ZNF536: variants seen among roughly 807,000 people sequenced by gnomAD.
ZNF536 encodes zinc finger protein 536.
Under a neutral mutation model 84.5 loss-of-function variants are expected in ZNF536, and 13 were observed. That is an observed-to-expected ratio of 0.15 (90% CI 0.10 to 0.24). The LOEUF is 0.24. Ranked by LOEUF, ZNF536 falls within the 10% of genes least tolerant of loss-of-function variation. The pLI, the probability that ZNF536 is intolerant of heterozygous loss-of-function variation, is 1.00. For synonymous variants in ZNF536, 811 were observed against 742.5 expected (o/e 1.09, Z -1.50); for missense variants, 1,536 against 1,747.5 (o/e 0.88, Z 2.16).
chr19:30,319,333 CA>C (rs1294208488), intron 2 of ZNF536, among the ~76,000 whole-genome samples: 6 of 151,994 alleles, frequency 3.9e-5, no homozygotes, highest in African/African-American at 1.4e-4. Context: ...TTTTTTAAAA[CA>C]AATAATTTAG....
In ZNF536 at chr19:30,658,289, T is replaced by TG. The variant is rs1442438567; in HGVS notation, c.170-52465dup. The stretch of plus-strand genomic sequence containing the variant: ...TGCCCACTTTGGCCTCCCAAAGTGC[T>TG]GGGATTACAGGTGTGAGCAACCGTG... On this transcript the variant is annotated intron_variant, in intron 1 of 1. Transcript: ENST00000592773. 3.9e-5 allele frequency among the ~76,000 whole-genome samples: 6 copies of TG among 152,146 alleles called. No individual in the cohort carries two copies. The East Asian group carries it at 9.6e-4, about 24-fold the overall frequency.
intron 1 of ZNF536, among the ~76,000 whole-genome samples, chr19:30,681,083 C>T (rs890014340): frequency 5.3e-5 from 8 of 152,188 alleles, no homozygotes; most frequent in Admixed American, 3.3e-4. Context: ...TTCTATTCCC[C>T]AACTTTCACT....
chr19:30,443,606 C>G lies in ZNF536; in HGVS notation c.44C>G (p.Pro15Arg), dbSNP rs375667945. 1.9e-6 allele frequency: 3 copies of G among 1,588,962 alleles called. No homozygotes were observed. The highest frequency in any genetic ancestry group is 2.7e-5 in the African/African-American group (2 of 73,884). ...TGCCTTGGAGTGTCTTCGGCGGAGCCGGAAGCTGAGCCCCACCTGAGTGGC... is the reference window on the plus strand; with the variant it reads ...TGCCTTGGAGTGTCTTCGGCGGAGCGGGAAGCTGAGCCCCACCTGAGTGGC... Reference protein sequence around the residue: ...SLCLGVSSAEPEAEPHLSGPV... With the variant: ...SLCLGVSSAEREAEPHLSGPV... The change falls in exon 2 of 5, where the codon CCG (proline) becomes CGG (arginine). Residue 15 changes from proline (P) to arginine (R), a missense_variant. By Grantham distance (103) the Pro-to-Arg change is moderately radical. This residue lies in a region of ZNF536 where 161 missense variants were observed against 178.5 expected (regional missense o/e 0.90). Transcript: ENST00000355537.
chr19:30,496,070 G>T (rs949709280), intron 2 of ZNF536, among the ~76,000 whole-genome samples: 1 of 152,162 alleles, frequency 6.6e-6, no homozygotes, highest in African/African-American at 2.4e-5. Context: ...TGAATGTCTT[G>T]AAGGAATGTC....
chr19:30,483,750 A>G (rs2144917756), intron 2 of ZNF536, among the ~76,000 whole-genome samples: 1 of 152,114 alleles, frequency 6.6e-6, no homozygotes, highest in South Asian at 2.1e-4. Flanking sequence ...CAACCTGATC[A>G]TGTCACTTCT....
chr19:30,551,499 G>A (rs1215114254), intron 4 of ZNF536, among the ~76,000 whole-genome samples: 6 of 152,152 alleles, frequency 3.9e-5, no homozygotes, highest in Non-Finnish European at 2.9e-5. Flanking sequence ...TCCCCGCTAT[G>A]TGCAAACCGT....
At chr19:30,333,012 G>T (rs2047264209) in intron 2 of ZNF536, among the ~76,000 whole-genome samples, 1 of 152,172 alleles carries the variant, frequency 6.6e-6, no homozygotes, top group African/African-American at 2.4e-5. Flanking sequence ...AGCCCAGGGG[G>T]TCGAGGCTGT....
intron 1 of ZNF536, among the ~76,000 whole-genome samples, chr19:30,670,432 A>C (rs2050502637): frequency 6.6e-6 from 1 of 152,158 alleles, no homozygotes; most frequent in African/African-American, 2.4e-5. Context: ...GATCCTATAG[A>C]TCAGATGAGA....
At chr19:30,353,843 T>C (rs943762033) in intron 3 of ZNF536, among the ~76,000 whole-genome samples, 1 of 152,208 alleles carries the variant, frequency 6.6e-6, no homozygotes, top group Admixed American at 6.5e-5. Flanking sequence ...ATGGTGAGGA[T>C]TCTGCCACGC....
intron 2 of ZNF536, among the ~76,000 whole-genome samples, chr19:30,313,102 G>T (rs2046560687): frequency 6.6e-6 from 1 of 152,246 alleles, no homozygotes; most frequent in South Asian, 2.1e-4. Context: ...GCTTAGCGAG[G>T]TGACAAGGCC....
At chr19:30,294,785 C>T (rs1395842344) in intron 2 of ZNF536, among the ~76,000 whole-genome samples, 2 of 152,098 alleles carry the variant, frequency 1.3e-5, no homozygotes, top group African/African-American at 2.4e-5. Flanking sequence ...TTAGGTGGGG[C>T]GCACTCCTCC....
rs148804401 is a variant in ZNF536 at position 30,347,135 on chromosome 19, C to T, written c.-119-5233C>T. The stretch of plus-strand genomic sequence containing the variant: ...TTTTTTTTTTTATATGATTCTTGGC[C>T]GCATGTATGCCTTCTTTTGAAAAGT... On this transcript the variant is annotated intron_variant, in intron 2 of 5. Coordinates refer to the ZNF536 transcript ENST00000585628. Among the ~76,000 whole-genome samples, 926 of 146,658 alleles carry T rather than the reference C, an allele frequency of 6.3e-3. 2 individuals are homozygous for T. Among genetic ancestry groups the T allele is most frequent in the Middle Eastern group, 0.035 (10 of 288 alleles).
chr19:30,320,438 T>C (rs1027160217), intron 2 of ZNF536, among the ~76,000 whole-genome samples: 3 of 152,228 alleles, frequency 2.0e-5, no homozygotes, highest in Non-Finnish European at 4.4e-5. Flanking sequence ...AGAGAAACCA[T>C]GTAACGCACT....
intron 1 of ZNF536, among the ~76,000 whole-genome samples, chr19:30,698,691 T>C (rs888710185): frequency 3.3e-5 from 5 of 152,194 alleles, no homozygotes; most frequent in Non-Finnish European, 7.4e-5. Context: ...ATTCTCATCA[T>C]ATCAAGTCAA....
intron 2 of ZNF536, among the ~76,000 whole-genome samples, chr19:30,517,283 GC>G (rs1236470595): frequency 6.6e-6 from 1 of 152,164 alleles, no homozygotes; most frequent in Non-Finnish European, 1.5e-5. Context: ...TAGTCTGGAG[GC>G]TTCTGCCTTA....
downstream of ZNF536, among the ~76,000 whole-genome samples, chr19:30,559,894 T>G (rs2046099581): frequency 6.6e-6 from 1 of 152,114 alleles, no homozygotes; most frequent in South Asian, 2.1e-4. Flanking sequence ...GCAGGGGGTA[T>G]TTCCTGAGTT....
Position 30,335,334 on chromosome 19 carries a change from C to G in ZNF536, c.-119-17034C>G, listed in dbSNP as rs549172467. Among the ~76,000 whole-genome samples, 253 of 152,260 alleles carry G rather than the reference C, an allele frequency of 1.7e-3. 1 individual carries two copies. The highest frequency in any genetic ancestry group is 5.4e-3 in the African/African-American group (226 of 41,544). On this transcript the variant is annotated intron_variant, in intron 2 of 5. Coordinates refer to the ZNF536 transcript ENST00000585628. Reference sequence around the variant, plus strand: ...AAAATAACCGTGCATATGAGAGGCTCGGTTACATCTTTAATCTCGATGATG... The same window carrying G: ...AAAATAACCGTGCATATGAGAGGCTGGGTTACATCTTTAATCTCGATGATG...
intron 1 of ZNF536, among the ~76,000 whole-genome samples, chr19:30,619,413 G>C (rs2048406003): frequency 6.6e-6 from 1 of 152,148 alleles, no homozygotes; most frequent in African/African-American, 2.4e-5. Context: ...CAGGAATTCT[G>C]TCTCCTCCAT....
At chr19:30,569,376 G>C (rs2046458699) in intron 1 of ZNF536, among the ~76,000 whole-genome samples, 1 of 151,700 alleles carries the variant, frequency 6.6e-6, no homozygotes. Flanking sequence ...GAGGTGTTTG[G>C]TTTCTCTCTT....
Sources: allele counts gnomAD v4.1 joint callset (sites outside exome capture counted in the v4.1 genomes callset), GRCh38; gene constraint gnomAD v4.1.1; regional missense constraint gnomAD v4.1.1; transcripts MANE v1.5; gene names NCBI Gene and HGNC (gene_info 2026-07-23, HGNC 2026-07-21).